The following POMGNT2 variants were observed in gnomAD, a reference collection of about 807,000 sequenced individuals.
The protein encoded by POMGNT2 is protein O-linked mannose N-acetylglucosaminyltransferase 2 (beta 1,4-).
Under a neutral mutation model 37.8 loss-of-function variants are expected in POMGNT2, and 32 were observed. The observed-to-expected ratio is 0.85, with a 90% CI of 0.64 to 1.14. POMGNT2 has a LOEUF of 1.14. Ranked by LOEUF, POMGNT2 falls within the 50% of genes most tolerant of loss-of-function variation. POMGNT2 has a pLI of 0.00. For synonymous variants in POMGNT2, 340 were observed against 336.8 expected, an observed-to-expected ratio of 1.01 and a Z score of -0.10; for missense variants, 705 against 780.6, an observed-to-expected ratio of 0.90 and a Z score of 1.15.
At position 43,079,812 on chromosome 3, in the gene POMGNT2, A is replaced by G; in HGVS notation, c.1620T>C (p.Ala540=). The G allele has an allele frequency of 6.2e-7, 1 of 1,614,184 alleles. No individual in the cohort carries two copies. Residue 540 remains alanine, a synonymous_variant, in exon 2 of 2, where the codon GCT becomes GCC. Transcript: ENST00000344697. ...GENTYVPYIL[A]LQNHTFTENI... The stretch of plus-strand genomic sequence containing the variant: ...TCTCAGTGAAGGTGTGGTTCTGCAG[A>G]GCCAGGATGTAAGGCACGTAGGTGT...
chr3:43,081,337 A>T lies in POMGNT2; in HGVS notation c.95T>A (p.Leu32Gln), dbSNP rs1326406129. The change falls in exon 2 of 2, where the codon CTG becomes CAG. Residue 32 changes from leucine (L) to glutamine (Q), a missense_variant. Coordinates refer to ENST00000344697, the MANE Select transcript of POMGNT2 (RefSeq NM_032806.6). ...TCGGCTGAGGGCCAGCTCCTCCTCC[A>T]GTGTGGCTGCATGCTCACGCAGCCG... ...HVRLREHAAT[L>Q]EEELALSRQA... The T allele has an allele frequency of 2.1e-5, 34 of 1,610,818 alleles. No homozygotes were observed. Among genetic ancestry groups the T allele is most frequent in the Non-Finnish European group, 2.8e-5 (33 of 1,179,964 alleles).
At chr3:43,093,281 A>T (rs2089957090) in intron 1 of POMGNT2, among the ~76,000 whole-genome samples, 1 of 152,226 alleles carries the variant, frequency 6.6e-6, no homozygotes, top group Admixed American at 6.5e-5. Flanking sequence ...CTTGTGAGGC[A>T]AACTGGCAAC....
intron 1 of POMGNT2, among the ~76,000 whole-genome samples, chr3:43,093,903 G>A (rs2089961506): frequency 6.6e-6 from 1 of 152,060 alleles, no homozygotes; most frequent in Non-Finnish European, 1.5e-5. Flanking sequence ...AGGATCTCAG[G>A]ATCTGCTCCT....
At chr3:43,087,479 G>GAGACCA (rs1472308994) in intron 1 of POMGNT2, 1 of 152,234 alleles carries the variant, frequency 6.6e-6, no homozygotes, top group African/African-American at 2.4e-5. Flanking sequence ...GATGACTAGG[G>GAGACCA]AGACCAGCAG....
chr3:43,080,127 G>C lies in POMGNT2; in HGVS notation c.1305C>G (p.Leu435=). ...AGAGCCACTCGGGGTTCCGGCAACA[G>C]AGATGCCGTGGGACCTCACGGCTTT... ...ILQSREVPRH[L]CCRNPEWLFR... The change falls in exon 2 of 2, where the codon CTC becomes CTG. Residue 435 remains leucine, a synonymous_variant. Coordinates refer to ENST00000344697, the MANE Select transcript of POMGNT2 (RefSeq NM_032806.6). 2 of 1,613,942 alleles carry C rather than the reference G, an allele frequency of 1.2e-6. No homozygotes were observed. Among genetic ancestry groups the C allele is most frequent in the Non-Finnish European group, 1.7e-6 (2 of 1,179,972 alleles).
chr3:43,099,222 G>C (rs1470807051), intron 1 of POMGNT2, among the ~76,000 whole-genome samples: 2 of 152,148 alleles, frequency 1.3e-5, no homozygotes, highest in Non-Finnish European at 2.9e-5. Context: ...TGAGAGGGTT[G>C]AACTGATCAA....
chr3:43,104,214 C>T (rs1051261584), intron 1 of POMGNT2, among the ~76,000 whole-genome samples: 6 of 152,172 alleles, frequency 3.9e-5, no homozygotes, highest in Non-Finnish European at 8.8e-5. Context: ...TTGCAGGTTC[C>T]ACCTTTCACA....
intron 1 of POMGNT2, among the ~76,000 whole-genome samples, chr3:43,095,622 T>C (rs1229340060): frequency 6.6e-6 from 1 of 152,098 alleles, no homozygotes; most frequent in Non-Finnish European, 1.5e-5. Context: ...CCCTATGAAG[T>C]ATCATTATTC....
chr3:43,086,979 T>C (rs1016117752), intron 1 of POMGNT2, among the ~76,000 whole-genome samples: 10 of 152,116 alleles, frequency 6.6e-5, no homozygotes, highest in African/African-American at 2.2e-4. Flanking sequence ...CCAATGTGAC[T>C]ACCCTTAAAA....
Position 43,080,099 on chromosome 3 carries a change from G to C in POMGNT2, c.1333C>G (p.Arg445Gly). The change falls in exon 2 of 2, where the codon CGA becomes GGA. Residue 445 changes from arginine (R) to glycine (G), a missense_variant. Coordinates refer to ENST00000344697, the MANE Select transcript of POMGNT2 (RefSeq NM_032806.6). The part of the protein sequence containing the change: ...LCCRNPEWLF[R>G]IYQDTKVDIP... ...TCCACCTTGGTGTCCTGGTAGATTC[G>C]GAAGAGCCACTCGGGGTTCCGGCAA... 6.2e-7 allele frequency: 1 copy of C among 1,613,868 alleles called. No homozygotes were observed.
Position 43,098,018 on chromosome 3 carries a change from GGA to G in POMGNT2, c.-106+7816_-106+7817del, listed in dbSNP as rs1326347302. Among the ~76,000 whole-genome samples, 6 of 152,222 alleles carry G rather than the reference GGA, an allele frequency of 3.9e-5. No individual in the cohort carries two copies. Among genetic ancestry groups the G allele is most frequent in the African/African-American group, 1.4e-4 (6 of 41,454 alleles). ...CCTCCACAAGAAGGGTTACAGAGGT[GGA>G]GGGACCAGACAGCCAGCACCTGCCA... On this transcript the variant is annotated intron_variant, in intron 1 of 1. Coordinates refer to ENST00000344697, the MANE Select transcript of POMGNT2 (RefSeq NM_032806.6). This position sits in a 1 kb window ranked among gnomAD's most constrained non-coding sequence, Gnocchi z 4.3.
At chr3:43,087,239 G>A (rs1238119251) in intron 1 of POMGNT2, among the ~76,000 whole-genome samples, 1 of 152,182 alleles carries the variant, frequency 6.6e-6, no homozygotes, top group Non-Finnish European at 1.5e-5. Context: ...CTAAATGTGT[G>A]CTAATTTGTT....
intron 1 of POMGNT2, among the ~76,000 whole-genome samples, chr3:43,094,561 C>T (rs1367021963): frequency 5.3e-5 from 8 of 152,236 alleles, no homozygotes; most frequent in Admixed American, 5.2e-4. Flanking sequence ...TGGAGCTAAG[C>T]CGCTGTCTTC....
intron 1 of POMGNT2, among the ~76,000 whole-genome samples, chr3:43,084,936 G>T (rs2089884667): frequency 6.6e-6 from 1 of 151,526 alleles, no homozygotes; most frequent in African/African-American, 2.4e-5. Flanking sequence ...ATGATACTCT[G>T]GATCTTACTT....
chr3:43,103,489 G>A (rs1274361396), intron 1 of POMGNT2, among the ~76,000 whole-genome samples: 1 of 152,094 alleles, frequency 6.6e-6, no homozygotes, highest in East Asian at 1.9e-4. Flanking sequence ...CTAAAGAGGC[G>A]ACAGGGCTTG....
intron 1 of POMGNT2, among the ~76,000 whole-genome samples, chr3:43,096,646 T>C (rs2089981794): frequency 6.6e-6 from 1 of 152,176 alleles, no homozygotes; most frequent in Admixed American, 6.5e-5. Flanking sequence ...AACACCACCA[T>C]GTTTATCTGC....
chr3:43,084,644 G>A (rs1461664915), intron 1 of POMGNT2, among the ~76,000 whole-genome samples: 12 of 132,298 alleles, frequency 9.1e-5, no homozygotes, highest in African/African-American at 2.9e-4. Context: ...GCGAGACTCC[G>A]TCTCAAAAAA....
chr3:43,083,298 C>A (rs975438399), intron 1 of POMGNT2, among the ~76,000 whole-genome samples: 1 of 152,162 alleles, frequency 6.6e-6, no homozygotes, highest in African/African-American at 2.4e-5. Flanking sequence ...ACCTACTCAC[C>A]AGGTTGGCAA....
At chr3:43,105,312 A>C (rs891016659) in intron 1 of POMGNT2, among the ~76,000 whole-genome samples, 3 of 152,200 alleles carry the variant, frequency 2.0e-5, no homozygotes, top group African/African-American at 7.2e-5. Context: ...ACCACCGGAC[A>C]CACATGGTAG....
Sources: gnomAD v4.1 joint callset for allele counts (sites outside exome capture counted in the v4.1 genomes callset) on GRCh38, gnomAD v4.1.1 for gene constraint, Gnocchi (gnomAD v3.1) non-coding constraint, MANE v1.5 for transcripts, NCBI Gene and HGNC (gene_info 2026-07-23, HGNC 2026-07-21) for gene names.